Variants in MACROD2 observed in about 807,000 individuals in gnomAD.
MACROD2 encodes ADP-ribose glycohydrolase MACROD2.
In MACROD2, 36 loss-of-function variants were observed where a neutral mutation model predicts 70.4. The ratio of observed to expected loss-of-function variants is 0.51; its 90% CI spans 0.39 to 0.68. MACROD2 has a LOEUF of 0.68. Among genes scored for constraint, MACROD2 ranks in the 30% least tolerant of loss-of-function variants. The probability of loss-of-function intolerance (pLI) is 0.00; values close to 1 mark genes in which losing one functional copy is unlikely to be tolerated. For missense variants in MACROD2, 496 were observed against 538.4 expected (o/e 0.92, Z 0.78); for synonymous variants, 172 against 178.8 (o/e 0.96, Z 0.30).
intron 5 of MACROD2, among the ~76,000 whole-genome samples, chr20:14,953,940 T>A (rs538221018): frequency 6.6e-6 from 1 of 152,296 alleles, no homozygotes; most frequent in South Asian, 2.1e-4. Flanking sequence ...AGTGTTGAGA[T>A]GAGTGAGTGT....
intron 3 of MACROD2, among the ~76,000 whole-genome samples, chr20:14,295,484 C>G (rs2122467017): frequency 6.6e-6 from 1 of 150,952 alleles, no homozygotes; most frequent in South Asian, 2.1e-4. Context: ...AGCCAACTCA[C>G]TGAATTGAGG....
intron 8 of MACROD2, among the ~76,000 whole-genome samples, chr20:15,857,150 G>A (rs980717438): frequency 6.6e-6 from 1 of 152,206 alleles, no homozygotes; most frequent in Non-Finnish European, 1.5e-5. Context: ...AACTGGGAAA[G>A]TAACATTCCA....
chr20:14,245,766 A>G (rs557641656), intron 3 of MACROD2, among the ~76,000 whole-genome samples: 1 of 152,218 alleles, frequency 6.6e-6, no homozygotes, highest in Non-Finnish European at 1.5e-5. Flanking sequence ...TCCTGTTCCC[A>G]TTGCCATCAC....
chr20:14,332,576 A>C (rs756784365), intron 3 of MACROD2, among the ~76,000 whole-genome samples: 4 of 152,188 alleles, frequency 2.6e-5, no homozygotes, highest in Admixed American at 2.0e-4. Flanking sequence ...ATTTTTTAAA[A>C]ATATTAATTC....
intron 13 of MACROD2, among the ~76,000 whole-genome samples, chr20:15,982,455 C>T (rs575743180): frequency 4.6e-5 from 7 of 152,208 alleles, no homozygotes; most frequent in East Asian, 1.9e-4. Flanking sequence ...CTTCATGCTT[C>T]GGCCATGTGT....
chr20:15,430,640 A>C (rs1413321690), intron 6 of MACROD2, among the ~76,000 whole-genome samples: 1 of 152,000 alleles, frequency 6.6e-6, no homozygotes, highest in African/African-American at 2.4e-5. Context: ...CTGCTAAGCA[A>C]AATATGGCAT....
chr20:14,049,478 C>T (rs777461625), intron 2 of MACROD2, among the ~76,000 whole-genome samples: 3 of 151,522 alleles, frequency 2.0e-5, no homozygotes, highest in Non-Finnish European at 2.9e-5. Flanking sequence ...AGGTGGCTCA[C>T]GCTTATAATC....
intron 2 of MACROD2, among the ~76,000 whole-genome samples, chr20:14,075,247 G>C (rs2053902569): frequency 6.6e-6 from 1 of 152,202 alleles, no homozygotes; most frequent in Non-Finnish European, 1.5e-5. Flanking sequence ...AAAAATTTGT[G>C]CTAGCTTTGC....
At chr20:14,421,666 G>A (rs66980079) in intron 3 of MACROD2, among the ~76,000 whole-genome samples, 23,491 of 151,944 alleles carry the variant, frequency 0.15, 2,354 homozygotes, top group South Asian at 0.38. Flanking sequence ...TTGATCTACT[G>A]GTTAAGACTG....
At chr20:14,931,393 A>C (rs1225119838) in intron 5 of MACROD2, among the ~76,000 whole-genome samples, 1 of 152,156 alleles carries the variant, frequency 6.6e-6, no homozygotes, top group Non-Finnish European at 1.5e-5. Context: ...AAGGCCCCTG[A>C]TCCCTGTATA....
chr20:15,606,070 T>C (rs942918971), intron 8 of MACROD2, among the ~76,000 whole-genome samples: 2 of 152,212 alleles, frequency 1.3e-5, no homozygotes, highest in African/African-American at 4.8e-5. Flanking sequence ...ATTTTTATAA[T>C]GTCTCATTTG....
At chr20:15,636,071 C>CAAAAAAAAAAA (rs1178846767) in intron 8 of MACROD2, among the ~76,000 whole-genome samples, 34 of 27,890 alleles carry the variant, frequency 1.2e-3, no homozygotes, top group East Asian at 3.5e-3. Context: ...GGCTCCCTCT[C>CAAAAAAAAAAA]AAAAGAAAAA....
chr20:14,980,039 T>G (rs2074782767), intron 5 of MACROD2, among the ~76,000 whole-genome samples: 1 of 152,186 alleles, frequency 6.6e-6, no homozygotes, highest in Non-Finnish European at 1.5e-5. Context: ...GTTTACCATG[T>G]TTCAGGAAAC....
At chr20:14,169,701 C>T (rs1569188818) in intron 3 of MACROD2, among the ~76,000 whole-genome samples, 1 of 152,152 alleles carries the variant, frequency 6.6e-6, no homozygotes, top group Non-Finnish European at 1.5e-5. Context: ...ATTCCCAATT[C>T]CTGCCTCCCA....
chr20:15,541,445 CGT>C (rs560193269), intron 8 of MACROD2, among the ~76,000 whole-genome samples: 2 of 152,050 alleles, frequency 1.3e-5, no homozygotes, highest in Non-Finnish European at 2.9e-5. Context: ...GCTTGGTATT[CGT>C]GTGATGAGTT....
At chr20:14,943,679 A>G (rs2074408117) in intron 5 of MACROD2, among the ~76,000 whole-genome samples, 1 of 152,182 alleles carries the variant, frequency 6.6e-6, no homozygotes, top group African/African-American at 2.4e-5. Flanking sequence ...GTAAACATGC[A>G]CAGACAGTTT....
intron 12 of MACROD2, among the ~76,000 whole-genome samples, chr20:15,951,479 A>G (rs1327748678): frequency 6.6e-6 from 1 of 152,098 alleles, no homozygotes; most frequent in African/African-American, 2.4e-5. Context: ...TAAAAAGACA[A>G]GGTTTAAGCA....
intron 5 of MACROD2, among the ~76,000 whole-genome samples, chr20:14,687,744 A>G (rs1427183604): frequency 6.6e-6 from 1 of 152,212 alleles, no homozygotes; most frequent in East Asian, 1.9e-4. Context: ...ATTACCAGAC[A>G]GGCATTGCAG....
At chr20:14,047,440 G>T (rs1209954724) in intron 2 of MACROD2, among the ~76,000 whole-genome samples, 1 of 131,872 alleles carries the variant, frequency 7.6e-6, no homozygotes, top group East Asian at 2.2e-4. Flanking sequence ...GAGCAACAGA[G>T]CGAGACTCCG....
Sources: gnomAD v4.1 joint callset for allele counts (sites outside exome capture counted in the v4.1 genomes callset) on GRCh38, gnomAD v4.1.1 for gene constraint, MANE v1.5 for transcripts, NCBI Gene and HGNC (gene_info 2026-07-23, HGNC 2026-07-21) for gene names.